Variants in PFAS observed in about 807,000 individuals in gnomAD.
PFAS encodes the protein phosphoribosylformylglycinamidine synthase, also known as FGAM synthase.
A neutral mutation model predicts 140.6 loss-of-function variants in PFAS; 97 were observed. The observed-to-expected ratio is 0.69, with a 90% CI of 0.59 to 0.82. The LOEUF is 0.82. PFAS is among the 40% of genes least tolerant of loss of function. The pLI is 0.00. For missense variants in PFAS, 1,656 were observed against 1,780.2 expected (o/e 0.93, Z 1.26); for synonymous variants, 679 against 718.8 (o/e 0.94, Z 0.88).
At position 8,254,933 on chromosome 17, in the gene PFAS, G is replaced by T; in HGVS notation, c.279-94G>T. On this transcript the variant is annotated intron_variant, in intron 3 of 27. Transcript: ENST00000314666. The stretch of plus-strand genomic sequence containing the variant: ...AAGCCAATGGTGAGGGGATAGCGGT[G>T]GGAGGTTGTCCAGACAGCAGTAGGC... 6.1e-6 allele frequency: 5 copies of T among 823,204 alleles called. No individual in the cohort carries two copies. In the South Asian group the frequency reaches 7.3e-5, roughly 12 times the overall value. 51.0% of individuals were successfully genotyped at this position (823,204 alleles called of 1,614,324 possible).
At chr17:8,259,114 CGCACCACTGTCA>C in intron 11 of PFAS, among the ~76,000 whole-genome samples, 1 of 142,278 alleles carries the variant, frequency 7.0e-6, no homozygotes. Context: ...CCACTGCGAT[CGCACCACTGTCA>C]AAAAAAAAAA....
upstream of PFAS, among the ~76,000 whole-genome samples, chr17:8,248,410 ATTTTT>A (rs35534210): frequency 5.4e-3 from 366 of 67,640 alleles, 3 homozygotes; most frequent in East Asian, 0.026. Flanking sequence ...CGCCCGGCTA[ATTTTT>A]TTTTTTTTTT....
chr17:8,248,071 T>G (rs1378576146), upstream of PFAS: 2 of 742,984 alleles, frequency 2.7e-6, no homozygotes, highest in African/African-American at 2.0e-5. Flanking sequence ...GAGGGGCAGG[T>G]GCTCGCTTGG....
At position 8,267,119 on chromosome 17, in the gene PFAS, G is replaced by A. The variant is rs148194305; in HGVS notation, c.3059G>A (p.Arg1020Gln). Residue 1020 changes from arginine to glutamine, a missense_variant, in exon 24 of 28, where the codon CGG becomes CAG. By Grantham distance (43) the Arg-to-Gln change is conservative (BLOSUM62 1). Transcript: ENST00000314666. The surrounding 1 kb of genome is among the most constrained non-coding windows in gnomAD (Gnocchi z 4.9). Reference sequence around the variant, plus strand: ...GAGGAGACGAGTTTCCAGCTGGACCGGCTACAGGCAGAGCCTCGCTGTGTG... The same window carrying A: ...GAGGAGACGAGTTTCCAGCTGGACCAGCTACAGGCAGAGCCTCGCTGTGTG... ...LWEETSFQLD[R>Q]LQAEPRCVAE... 6.5e-5 allele frequency: 105 copies of A among 1,613,306 alleles called. No individual in the cohort carries two copies. In the African/African-American group the frequency reaches 1.1e-3, roughly 18 times the overall value.
Position 8,253,966 on chromosome 17 carries a change from G to T in PFAS, c.29G>T (p.Arg10Leu), listed in dbSNP as rs765420234. ...TCCCCAGTCCTTCACTTCTATGTTC[G>T]TCCCTCTGGCCATGAGGGGGCAGCC... is the stretch of plus-strand genomic sequence containing the variant. Reference protein sequence around the residue: MSPVLHFYVRPSGHEGAAPG... With the variant: MSPVLHFYVLPSGHEGAAPG... Residue 10 changes from arginine to leucine, a missense_variant, in exon 2 of 28, where the codon CGT becomes CTT. By Grantham distance (102) the Arg-to-Leu change is moderately radical. Transcript: ENST00000314666. 5 of 1,613,802 alleles carry T rather than the reference G, an allele frequency of 3.1e-6. No homozygotes were observed. In the African/African-American group the frequency reaches 6.7e-5, roughly 22 times the overall value.
rs201021875 is a variant in PFAS at position 8,264,299 on chromosome 17, C to A, written c.1879C>A (p.Leu627Met). ...GACACCCCTGCCAACCCCTGTGGAC[C>A]TGGAGCTCGAATGGGTGCTGGGCAA... is the stretch of plus-strand genomic sequence containing the variant. ...PPTPLPTPVDLELEWVLGKMP... is the reference protein window; with the variant it reads ...PPTPLPTPVDMELEWVLGKMP... The change falls in exon 16 of 28, where the codon CTG becomes ATG. Residue 627 changes from leucine (L) to methionine (M), a missense_variant. Around this residue, in one of 2 missense-constraint regions of PFAS, gnomAD observed 883 missense variants for 1,023.0 expected, o/e 0.86. Transcript: ENST00000314666. 1 of 1,613,948 alleles carries A rather than the reference C, an allele frequency of 6.2e-7. No individual in the cohort carries two copies. The highest frequency in any genetic ancestry group is 1.7e-5 in the Admixed American group (1 of 59,986).
At position 8,268,820 on chromosome 17, in the gene PFAS, G is replaced by T; in HGVS notation, c.3670G>T (p.Gly1224Cys). 6.2e-7 allele frequency: 1 copy of T among 1,607,850 alleles called. No individual in the cohort carries two copies. Among genetic ancestry groups the T allele is most frequent in the South Asian group, 1.1e-5 (1 of 91,050 alleles). The change falls in exon 27 of 28, where the codon GGC becomes TGC. Residue 1224 changes from glycine (G) to cysteine (C), a missense_variant. Physicochemically the swap from Gly to Cys is radical, Grantham distance 159. Transcript: ENST00000314666. Reference sequence around the variant, plus strand: ...AGCCCTGATGCTGCGAGGGATGGAGGGCGCCGTGCTGCCCGTGTGGAGTGC... The same window carrying T: ...AGCCCTGATGCTGCGAGGGATGGAGTGCGCCGTGCTGCCCGTGTGGAGTGC... Reference protein sequence around the residue: ...GPALMLRGMEGAVLPVWSAHG... With the variant: ...GPALMLRGMECAVLPVWSAHG...
At chr17:8,248,627 G>T (rs572414830), upstream of PFAS, among the ~76,000 whole-genome samples, 16 of 151,822 alleles carry the variant, frequency 1.1e-4, no homozygotes, top group South Asian at 3.1e-3. Flanking sequence ...GCGCCATCTC[G>T]GTTCACTGCA....
At chr17:8,259,109 GCGA>G in intron 11 of PFAS, among the ~76,000 whole-genome samples, 1 of 147,060 alleles carries the variant, frequency 6.8e-6, no homozygotes. Context: ...TCGCACCACT[GCGA>G]TCGCACCACT....
At position 8,268,720 on chromosome 17, in the gene PFAS, A is replaced by C. The variant is rs1989925733; in HGVS notation, c.3570A>C (p.Pro1190=). ...GCCCTGACTCCCAGCCAGCCCGGCCAGGCCTTCTGCTACGCCACAACCTGT... is the reference window on the plus strand; with the variant it reads ...GCCCTGACTCCCAGCCAGCCCGGCCCGGCCTTCTGCTACGCCACAACCTGT... The part of the protein sequence containing the change: ...EMGPDSQPAR[P]GLLLRHNLSG... Residue 1190 remains proline (P), a synonymous_variant, in exon 27 of 28, where the codon CCA becomes CCC. Coordinates refer to ENST00000314666, the MANE Select transcript of PFAS (RefSeq NM_012393.3). 6.2e-7 allele frequency: 1 copy of C among 1,613,026 alleles called. No homozygotes were observed.
chr17:8,267,771 CGA>C lies in PFAS; in HGVS notation c.3382+112_3382+113del. 3 of 610,236 alleles carry C rather than the reference CGA, an allele frequency of 4.9e-6. No homozygotes were observed. Among genetic ancestry groups the C allele is most frequent in the Non-Finnish European group, 8.6e-6 (3 of 347,794 alleles). The allele number at this position is 610,236 out of a possible 1,614,324, so 37.8% of individuals were successfully genotyped here. A position where few individuals can be genotyped will look rare whatever the true frequency, so the allele number is the denominator to read the frequency against. ...ATTGGCCTCTCACTCCACCGAGCTA[CGA>C]GAGAGTGGGCCCATTCGTTCTGGGC... On this transcript the variant is annotated intron_variant, in intron 26 of 27. Coordinates refer to ENST00000314666, the MANE Select transcript of PFAS (RefSeq NM_012393.3). This position sits in a 1 kb window ranked among gnomAD's most constrained non-coding sequence, Gnocchi z 4.9.
intron 15 of PFAS, 33 bp downstream of exon 15, chr17:8,263,969 T>TG: frequency 1.2e-6 from 2 of 1,607,186 alleles, no homozygotes; most frequent in Non-Finnish European, 1.7e-6. Flanking sequence ...GAGCAAACAC[T>TG]GGGGCAGACA....
rs74873709 is a variant in PFAS, at chr17:8,266,696, G to A, written c.2822-57G>A. ...GCCCTTCCTGCATTTCCCTGATCCCGCCCCAACTCCCTTGGCCCTTCTTGC... is the reference window on the plus strand; with the variant it reads ...GCCCTTCCTGCATTTCCCTGATCCCACCCCAACTCCCTTGGCCCTTCTTGC... On this transcript the variant is annotated intron_variant, in intron 22 of 27. Transcript: ENST00000314666. This position sits in a 1 kb window ranked among gnomAD's most constrained non-coding sequence, Gnocchi z 5.0. The A allele has an allele frequency of 0.019, 29,060 of 1,547,038 alleles. 332 individuals are homozygous for A. The highest frequency in any genetic ancestry group is 0.031 in the Middle Eastern group (144 of 4,686).
At position 8,267,590 on chromosome 17, in the gene PFAS, A is replaced by T; in HGVS notation, c.3307A>T (p.Ile1103Phe). 1 of 1,613,530 alleles carries T rather than the reference A, an allele frequency of 6.2e-7. No individual in the cohort carries two copies. Among genetic ancestry groups the T allele is most frequent in the Middle Eastern group, 1.7e-4 (1 of 6,058 alleles). Residue 1103 changes from isoleucine to phenylalanine, a missense_variant, in exon 26 of 28, where the codon ATT becomes TTT. By Grantham distance (21) the Ile-to-Phe change is conservative. Around this residue, in one of 2 missense-constraint regions of PFAS, gnomAD observed 883 missense variants for 1,023.0 expected, o/e 0.86. Transcript: ENST00000314666. This position sits in a 1 kb window ranked among gnomAD's most constrained non-coding sequence, Gnocchi z 4.9. ...CATGCAGGACCTCTGCTCTGGGGCA[A>T]TTGGGCTGGACACTTTCCGTGGCGT... ...VTMQDLCSGA[I>F]GLDTFRGVAF... is the part of the protein sequence containing the mutation.
intron 11 of PFAS, among the ~76,000 whole-genome samples, chr17:8,261,179 T>C (rs1334641128): frequency 1.3e-5 from 2 of 152,168 alleles, no homozygotes; most frequent in Non-Finnish European, 2.9e-5. Context: ...CAGTATTTCA[T>C]TGTGGATTTG....
At chr17:8,262,834 G>C in intron 11 of PFAS, 86 bp from the exon 12 acceptor site, 1 of 1,025,066 alleles carries the variant, frequency 9.8e-7, no homozygotes, top group South Asian at 1.3e-5. Context: ...CCTAACATCA[G>C]CTTCCTCTGT....
upstream of PFAS, chr17:8,248,139 G>T: frequency 1.2e-6 from 1 of 841,448 alleles, no homozygotes; most frequent in Admixed American, 2.1e-5. Context: ...GGGTTTCCTC[G>T]CCACCTCCAG....
chr17:8,254,351 T>A lies in PFAS; in HGVS notation c.278+50T>A. 3 of 1,604,060 alleles carry A rather than the reference T, an allele frequency of 1.9e-6. No homozygotes were observed. The South Asian group carries it at 3.3e-5, about 18-fold the overall frequency. ...CTTTCTTCTGCTTTCCTTTGCTTCC[T>A]CTTGTGATCCTTGGGAGATTTGCTT... On this transcript the variant is annotated intron_variant, in intron 3 of 27. Transcript: ENST00000314666.
At position 8,263,285 on chromosome 17, in the gene PFAS, C is replaced by G. The variant is rs1426733172; in HGVS notation, c.1567+20C>G. ...GCAATGGTGAGGAAAGGAGTTGGAA[C>G]AAGAGACTGGGCCTGCCTGGTATCC... On this transcript the variant is annotated intron_variant, in intron 13 of 27. Transcript: ENST00000314666. 1 of 1,613,588 alleles carries G rather than the reference C, an allele frequency of 6.2e-7. No homozygotes were observed. The highest frequency in any genetic ancestry group is 1.1e-5 in the South Asian group (1 of 91,076).
Sources: gnomAD v4.1 joint callset for allele counts (sites outside exome capture counted in the v4.1 genomes callset) on GRCh38, gnomAD v4.1.1 for gene constraint, gnomAD v4.1.1 regional missense constraint, Gnocchi (gnomAD v3.1) non-coding constraint, MANE v1.5 for transcripts, NCBI Gene and HGNC (gene_info 2026-07-23, HGNC 2026-07-21) for gene names.